NPAS3: variants seen among roughly 807,000 people sequenced by gnomAD.
The protein encoded by NPAS3 is neuronal PAS domain-containing protein 3.
NPAS3 carries 14 observed loss-of-function variants against 73.1 expected under a neutral mutation model. The observed-to-expected ratio is 0.19, with a 90% CI of 0.13 to 0.30. The LOEUF (loss-of-function observed/expected upper bound fraction) is 0.30, where lower values mean the gene tolerates loss of function less well. Ranked by LOEUF, NPAS3 falls within the 10% of genes least tolerant of loss-of-function variation. The pLI is 1.00. For missense variants in NPAS3, 1,096 were observed against 1,250.0 expected (o/e 0.88, Z 1.86); for synonymous variants, 620 against 541.5 (o/e 1.14, Z -2.01).
At position 33,200,425 on chromosome 14, in the gene NPAS3, A is replaced by C. The variant is rs1190308804; in HGVS notation, c.141-14757A>C. Among the ~76,000 whole-genome samples, 6 of 152,040 alleles carry C rather than the reference A, an allele frequency of 3.9e-5. No individual in the cohort carries two copies. The South Asian group carries it at 1.2e-3, about 32-fold the overall frequency. ...AATAATTATGGTTTCTTTTCTTCTA[A>C]GTTCAGTTTCTTCATTTTCCTCCAT... On this transcript the variant is annotated intron_variant, in intron 2 of 11. Transcript: ENST00000356141.
At chr14:33,502,268 C>T (rs1275248773) in intron 4 of NPAS3, among the ~76,000 whole-genome samples, 1 of 110,782 alleles carries the variant, frequency 9.0e-6, no homozygotes, top group Non-Finnish European at 1.9e-5. Context: ...TATGGCTCTC[C>T]CCCATTTTTT....
chr14:32,987,118 T>C (rs1254619106), intron 1 of NPAS3, among the ~76,000 whole-genome samples: 1 of 152,120 alleles, frequency 6.6e-6, no homozygotes, highest in African/African-American at 2.4e-5. Flanking sequence ...GCAGAGAGTA[T>C]TTTTAAACCA....
chr14:32,940,953 G>A (rs1054537527), intron 1 of NPAS3, among the ~76,000 whole-genome samples: 1 of 152,138 alleles, frequency 6.6e-6, no homozygotes, highest in African/African-American at 2.4e-5. Flanking sequence ...TTTTAAAGAT[G>A]TTAAATGTGT....
intron 6 of NPAS3, among the ~76,000 whole-genome samples, chr14:33,689,381 A>G (rs912380586): frequency 6.6e-6 from 1 of 152,224 alleles, no homozygotes; most frequent in Non-Finnish European, 1.5e-5. Context: ...GTCAGTGTTC[A>G]GTTAGTATTA....
chr14:33,442,406 C>T (rs1284603910), intron 4 of NPAS3, among the ~76,000 whole-genome samples: 21 of 124,502 alleles, frequency 1.7e-4, no homozygotes, highest in Admixed American at 1.7e-3. Flanking sequence ...GAGCAAGTTC[C>T]TGTCTTAAAA....
intron 2 of NPAS3, among the ~76,000 whole-genome samples, chr14:33,184,400 G>A (rs1683289865): frequency 6.6e-6 from 1 of 152,094 alleles, no homozygotes. Flanking sequence ...AATGGAGAAG[G>A]GAGCAGGAGC....
At chr14:33,731,974 G>A (rs187298876) in intron 6 of NPAS3, among the ~76,000 whole-genome samples, 76 of 152,152 alleles carry the variant, frequency 5.0e-4, no homozygotes, top group African/African-American at 1.7e-3. Flanking sequence ...AGCTTTACCC[G>A]TAGATTTTTC....
intron 2 of NPAS3, among the ~76,000 whole-genome samples, chr14:33,182,746 T>G (rs2139449570): frequency 6.6e-6 from 1 of 152,284 alleles, no homozygotes; most frequent in South Asian, 2.1e-4. Flanking sequence ...TCTCTACTCT[T>G]TCACACCAGC....
chr14:32,938,641 T>C (rs111681251), upstream of NPAS3, among the ~76,000 whole-genome samples: 16 of 150,924 alleles, frequency 1.1e-4, 1 homozygote, highest in African/African-American at 2.9e-4. Context: ...TCCTCCCCCT[T>C]CCCGCTCCTC....
intron 1 of NPAS3, among the ~76,000 whole-genome samples, chr14:33,007,955 T>C (rs978177887): frequency 6.6e-6 from 1 of 152,198 alleles, no homozygotes; most frequent in Non-Finnish European, 1.5e-5. Flanking sequence ...AGGATAGAGC[T>C]CTAAATTCAA....
At chr14:33,470,597 C>A (rs2139599886) in intron 4 of NPAS3, among the ~76,000 whole-genome samples, 1 of 152,214 alleles carries the variant, frequency 6.6e-6, no homozygotes, top group Middle Eastern at 3.4e-3. Context: ...TAGGAAAATT[C>A]TTTAGAGGTG....
intron 2 of NPAS3, among the ~76,000 whole-genome samples, chr14:33,204,388 A>C (rs2046743816): frequency 6.6e-6 from 1 of 152,102 alleles, no homozygotes; most frequent in Admixed American, 6.5e-5. Flanking sequence ...AAAAGCAAAG[A>C]ATGATTCTAA....
At chr14:33,058,669 G>C (rs1295608762) in intron 2 of NPAS3, among the ~76,000 whole-genome samples, 3 of 152,108 alleles carry the variant, frequency 2.0e-5, no homozygotes, top group Non-Finnish European at 2.9e-5. Context: ...TTATTGTATT[G>C]CATTTCAGTA....
chr14:33,074,050 C>T (rs1319400525), intron 2 of NPAS3, among the ~76,000 whole-genome samples: 1 of 152,158 alleles, frequency 6.6e-6, no homozygotes, highest in Non-Finnish European at 1.5e-5. Context: ...AGTATGCTGG[C>T]TGTGGTTTAT....
chr14:33,307,613 T>TGTGTGTGTA (rs763634896), intron 3 of NPAS3, among the ~76,000 whole-genome samples: 52 of 44,214 alleles, frequency 1.2e-3, no homozygotes, highest in East Asian at 3.3e-3. Context: ...GTGTGTGTGT[T>TGTGTGTGTA]CGTGTGCGTG....
intron 5 of NPAS3, among the ~76,000 whole-genome samples, chr14:33,629,577 T>G (rs1054235583): frequency 1.3e-5 from 2 of 151,802 alleles, no homozygotes; most frequent in Non-Finnish European, 2.9e-5. Context: ...TGTTTTTGTT[T>G]TTTTTTTTAA....
intron 3 of NPAS3, among the ~76,000 whole-genome samples, chr14:33,255,149 T>C (rs2048731238): frequency 6.6e-6 from 1 of 152,202 alleles, no homozygotes; most frequent in East Asian, 1.9e-4. Context: ...ATGTGATGGC[T>C]AACATAGCAG....
chr14:33,652,395 G>A (rs1350414583), intron 5 of NPAS3, among the ~76,000 whole-genome samples: 1 of 152,128 alleles, frequency 6.6e-6, no homozygotes. Flanking sequence ...ATGAGGCAGT[G>A]GTGCACTAGT....
chr14:33,104,334 A>G (rs777735582), intron 2 of NPAS3, among the ~76,000 whole-genome samples: 10 of 152,114 alleles, frequency 6.6e-5, no homozygotes, highest in Non-Finnish European at 1.3e-4. Flanking sequence ...TGCTGCTTCT[A>G]TTTCAAAGGA....
Sources: allele counts gnomAD v4.1 joint callset (sites outside exome capture counted in the v4.1 genomes callset), GRCh38; gene constraint gnomAD v4.1.1; transcripts MANE v1.5; gene names NCBI Gene and HGNC (gene_info 2026-07-23, HGNC 2026-07-21).